EPB41L3: variants seen among roughly 807,000 people sequenced by gnomAD.
The protein encoded by EPB41L3 is band 4.1-like protein 3.
Under a neutral mutation model 127.1 loss-of-function variants are expected in EPB41L3, and 57 were observed. That is an observed-to-expected ratio of 0.45 (90% CI 0.36 to 0.56). EPB41L3 has a LOEUF of 0.56. Among genes scored for constraint, EPB41L3 ranks in the 20% least tolerant of loss-of-function variants. EPB41L3 has a pLI of 0.00. For missense variants in EPB41L3, 1,273 were observed against 1,372.2 expected (o/e 0.93, Z 1.14); for synonymous variants, 572 against 549.5 (o/e 1.04, Z -0.57).
intron 3 of EPB41L3, among the ~76,000 whole-genome samples, chr18:5,461,883 T>C (rs1399359609): frequency 2.6e-5 from 4 of 152,096 alleles, no homozygotes; most frequent in African/African-American, 7.2e-5. Context: ...TTAAGGTGCA[T>C]TGGCTGGTCG....
chr18:5,534,162 C>CA lies in EPB41L3; in HGVS notation c.-12+9750dup, dbSNP rs941646014. The stretch of plus-strand genomic sequence containing the variant: ...TGGGTGACAGAGCGAGACTCCGTCT[C>CA]AAAAAAAAGAAAAAAGAAAGAAAAA... On this transcript the variant is annotated intron_variant, in intron 1 of 22. Transcript: ENST00000341928. Among the ~76,000 whole-genome samples, 27 of 151,092 alleles carry CA rather than the reference C, an allele frequency of 1.8e-4. 1 individual carries two copies. The highest frequency in any genetic ancestry group is 5.6e-4 in the African/African-American group (23 of 41,128).
At chr18:5,579,353 T>C (rs759999060) in intron 3 of EPB41L3, among the ~76,000 whole-genome samples, 68 of 152,322 alleles carry the variant, frequency 4.5e-4, no homozygotes, top group Middle Eastern at 3.4e-3. Flanking sequence ...ATCCTAGCTG[T>C]TGTTTTGGCA....
At chr18:5,445,782 C>T (rs1427605247) in intron 3 of EPB41L3, among the ~76,000 whole-genome samples, 2 of 152,172 alleles carry the variant, frequency 1.3e-5, no homozygotes, top group Non-Finnish European at 2.9e-5. Flanking sequence ...AGCTCCGCCT[C>T]CTGTCAGATC....
intron 12 of EPB41L3, among the ~76,000 whole-genome samples, chr18:5,417,304 T>C (rs1056358905): frequency 1.3e-5 from 2 of 152,192 alleles, no homozygotes; most frequent in African/African-American, 4.8e-5. Context: ...GGTGCTCCCC[T>C]GGTGAGCTCA....
In EPB41L3 at chr18:5,543,963, G is replaced by A. The variant is rs1022111225; in HGVS notation, c.-62C>T. 3 of 985,568 alleles carry A rather than the reference G, an allele frequency of 3.0e-6. No homozygotes were observed. Among genetic ancestry groups the A allele is most frequent in the African/African-American group, 3.5e-5 (2 of 57,232 alleles). 61.1% of individuals were successfully genotyped at this position (985,568 alleles called of 1,614,324 possible). A position where few individuals can be genotyped will look rare whatever the true frequency, so the allele number is the denominator to read the frequency against. On this transcript the variant is annotated 5_prime_UTR_variant, in exon 1 of 23. Transcript: ENST00000341928. This position sits in a 1 kb window ranked among gnomAD's most constrained non-coding sequence, Gnocchi z 5.2. Reference sequence around the variant, plus strand: ...CGCCGCGGCGTGGGGACTAGGCTCGGGCGCGCGTCCTCGGCGGCGGTGCGC... The same window carrying A: ...CGCCGCGGCGTGGGGACTAGGCTCGAGCGCGCGTCCTCGGCGGCGGTGCGC...
Position 5,424,375 on chromosome 18 carries a change from T to A in EPB41L3, c.1066-16A>T. On this transcript the variant is annotated splice_polypyrimidine_tract_variant and intron_variant, in intron 9 of 22. Transcript: ENST00000341928. ...ATTGTTCAAACTAAATAAAAAAAAATACATTGAAGAGTAAAGTTTAAAATT... is the reference window on the plus strand; with the variant it reads ...ATTGTTCAAACTAAATAAAAAAAAAAACATTGAAGAGTAAAGTTTAAAATT... 6.5e-7 allele frequency: 1 copy of A among 1,550,192 alleles called. No homozygotes were observed. The highest frequency in any genetic ancestry group is 8.8e-7 in the Non-Finnish European group (1 of 1,141,842).
chr18:5,467,256 C>A (rs150081654), intron 3 of EPB41L3, among the ~76,000 whole-genome samples: 2 of 152,160 alleles, frequency 1.3e-5, no homozygotes, highest in Admixed American at 1.3e-4. Context: ...TGCATTGCTT[C>A]GAAGCTTTAT....
intron 1 of EPB41L3, among the ~76,000 whole-genome samples, chr18:5,495,379 A>C (rs1395094986): frequency 3.3e-5 from 5 of 151,466 alleles, no homozygotes; most frequent in African/African-American, 4.9e-5. Context: ...TTGCACATTT[A>C]CAAATCAGTA....
chr18:5,540,227 T>A, intron 1 of EPB41L3: 4 of 474,980 alleles, frequency 8.4e-6, no homozygotes, highest in Non-Finnish European at 1.1e-5. Flanking sequence ...CAGTGCTTTC[T>A]ACTATTTCAC....
At chr18:5,446,682 C>G (rs144063583) in intron 3 of EPB41L3, among the ~76,000 whole-genome samples, 47 of 152,296 alleles carry the variant, frequency 3.1e-4, no homozygotes, top group African/African-American at 1.0e-3. Flanking sequence ...TCAAGCATGA[C>G]TATTTAGGAG....
chr18:5,514,712 T>G (rs2148719662), intron 1 of EPB41L3, among the ~76,000 whole-genome samples: 1 of 152,308 alleles, frequency 6.6e-6, no homozygotes, highest in East Asian at 1.9e-4. Context: ...TCATTATCGC[T>G]TCCTTGGTAT....
intron 1 of EPB41L3, among the ~76,000 whole-genome samples, chr18:5,526,251 A>C (rs750164680): frequency 1.1e-4 from 17 of 152,192 alleles, no homozygotes; most frequent in Non-Finnish European, 2.4e-4. Context: ...CAAAGAGGAG[A>C]AGCGCCTGTA....
chr18:5,608,810 G>A (rs746813289), intron 3 of EPB41L3, among the ~76,000 whole-genome samples: 5 of 152,164 alleles, frequency 3.3e-5, no homozygotes, highest in Non-Finnish European at 4.4e-5. Context: ...ATTTTTAGAT[G>A]TGGAACTAAA....
intron 3 of EPB41L3, chr18:5,463,782 AC>A (rs2084444532): frequency 6.6e-6 from 1 of 152,276 alleles, no homozygotes; most frequent in African/African-American, 2.4e-5. Flanking sequence ...GCTTTCTGAG[AC>A]CCTGAACACC....
intron 1 of EPB41L3, among the ~76,000 whole-genome samples, chr18:5,515,257 G>C (rs1260877741): frequency 2.6e-5 from 4 of 152,166 alleles, no homozygotes; most frequent in African/African-American, 7.2e-5. Context: ...GTGCTACTGA[G>C]AGTTTTTTTG....
rs2078883179 is a variant in EPB41L3, at chr18:5,430,675, T to A, written c.913-2210A>T. Among the ~76,000 whole-genome samples, 3 of 150,004 alleles carry A rather than the reference T, an allele frequency of 2.0e-5. No individual in the cohort carries two copies. The South Asian group carries it at 6.4e-4, about 32-fold the overall frequency. On this transcript the variant is annotated intron_variant, in intron 8 of 22. Coordinates refer to ENST00000341928, the MANE Select transcript of EPB41L3 (RefSeq NM_012307.5). Reference sequence around the variant, plus strand: ...CCTCCAGGGGCTCAAGCAACCCTCCTCCCTCAGCCTCCTGAGTAGCTGGAA... The same window carrying A: ...CCTCCAGGGGCTCAAGCAACCCTCCACCCTCAGCCTCCTGAGTAGCTGGAA...
chr18:5,449,972 T>C (rs1301328063), intron 3 of EPB41L3, among the ~76,000 whole-genome samples: 13 of 152,098 alleles, frequency 8.5e-5, no homozygotes, highest in Admixed American at 8.5e-4. Flanking sequence ...GAGTGTAGTC[T>C]CTATCTCTCC....
intron 3 of EPB41L3, among the ~76,000 whole-genome samples, chr18:5,454,624 C>A (rs2082760852): frequency 6.6e-6 from 1 of 152,172 alleles, no homozygotes; most frequent in African/African-American, 2.4e-5. Context: ...TCAGTCCTTT[C>A]TTTAAATTCA....
At chr18:5,428,019 T>A (rs1219009461) in intron 9 of EPB41L3, among the ~76,000 whole-genome samples, 1 of 152,062 alleles carries the variant, frequency 6.6e-6, no homozygotes, top group East Asian at 1.9e-4. Flanking sequence ...CCTCCCAAAG[T>A]GCTGGGATTA....
Sources: allele counts gnomAD v4.1 joint callset (sites outside exome capture counted in the v4.1 genomes callset), GRCh38; gene constraint gnomAD v4.1.1; non-coding constraint Gnocchi (gnomAD v3.1); transcripts MANE v1.5; gene names NCBI Gene and HGNC (gene_info 2026-07-23, HGNC 2026-07-21).